Variants in CFAP45 observed in about 807,000 individuals in gnomAD.
CFAP45 encodes the protein cilia and flagella associated protein 45.
In CFAP45, 43 loss-of-function variants were observed where a neutral mutation model predicts 75.6. The observed-to-expected ratio is 0.57, with a 90% CI of 0.45 to 0.73. The LOEUF is 0.73. Among genes scored for constraint, CFAP45 ranks in the 30% least tolerant of loss-of-function variants. The pLI is 0.00. For missense variants in CFAP45, 689 were observed against 701.5 expected (o/e 0.98, Z 0.20); for synonymous variants, 223 against 244.6 (o/e 0.91, Z 0.82).
intron 3 of CFAP45, 95 bp from the exon 4 acceptor site, chr1:159,888,591 G>T: frequency 8.5e-7 from 1 of 1,177,092 alleles, no homozygotes; most frequent in Non-Finnish European, 1.2e-6. Flanking sequence ...TTCCCATCAT[G>T]CCAGTGGACT....
In CFAP45 at chr1:159,872,419, A is replaced by T; in HGVS notation, c.*66T>A. On this transcript the variant is annotated 3_prime_UTR_variant, in exon 12 of 12. Coordinates refer to ENST00000368099, the MANE Select transcript of CFAP45 (RefSeq NM_012337.3). ...TGAAATGTCTAGGTTAGCAGCAATT[A>T]TGGATGCCCAGAGACTGGGCAGAAT... 8.4e-7 allele frequency: 1 copy of T among 1,197,264 alleles called. No homozygotes were observed. The highest frequency in any genetic ancestry group is 1.2e-6 in the Non-Finnish European group (1 of 800,282). 74.2% of individuals were successfully genotyped at this position (1,197,264 alleles called of 1,614,324 possible).
intron 1 of CFAP45, among the ~76,000 whole-genome samples, chr1:159,894,208 T>C (rs1649896011): frequency 6.6e-6 from 1 of 152,154 alleles, no homozygotes; most frequent in African/African-American, 2.4e-5. Context: ...CCACATAGTA[T>C]GGAAGTAAGG....
chr1:159,891,950 C>T (rs1243606157), intron 2 of CFAP45, among the ~76,000 whole-genome samples: 1 of 152,212 alleles, frequency 6.6e-6, no homozygotes, highest in Non-Finnish European at 1.5e-5. Context: ...GAAAACTCCA[C>T]ATGTACCCAA....
chr1:159,900,090 C>T lies in CFAP45; in HGVS notation c.3+6G>A. 6.2e-7 allele frequency: 1 copy of T among 1,614,162 alleles called. No homozygotes were observed. Among genetic ancestry groups the T allele is most frequent in the Non-Finnish European group, 8.5e-7 (1 of 1,180,010 alleles). On this transcript the variant is annotated splice_donor_region_variant and intron_variant, in intron 1 of 11. Transcript: ENST00000368099. ...CACAAGGGGCCCATCTGAGGTTCTC[C>T]CTCACCATCTCCTCAGCCACACGCC...
At chr1:159,873,234 G>C (rs888539150) in intron 10 of CFAP45, 66 bp from the exon 11 acceptor site, 39 of 1,423,368 alleles carry the variant, frequency 2.7e-5, no homozygotes, top group Non-Finnish European at 3.5e-5. Context: ...AAGGTGGTGG[G>C]GGAGCCTCCT....
intron 1 of CFAP45, chr1:159,898,378 T>G (rs918640371): frequency 3.4e-5 from 8 of 234,672 alleles, no homozygotes; most frequent in Non-Finnish European, 4.9e-5. Context: ...GTCTGCCTAA[T>G]TGTGACCCTC....
chr1:159,872,678 G>A, intron 11 of CFAP45, 115 bp from the exon 12 acceptor site: 2 of 935,334 alleles, frequency 2.1e-6, no homozygotes, highest in South Asian at 2.8e-5. Flanking sequence ...CCCCAACCCT[G>A]CTCTCACAAT....
chr1:159,897,740 A>G (rs147951790), intron 1 of CFAP45, among the ~76,000 whole-genome samples: 1,629 of 152,310 alleles, frequency 0.011, 19 homozygotes, highest in Non-Finnish European at 0.016. Flanking sequence ...AATTTCCTGC[A>G]ATGAGTAGAT....
intron 1 of CFAP45, among the ~76,000 whole-genome samples, chr1:159,897,622 T>A (rs1447750098): frequency 6.6e-6 from 1 of 152,180 alleles, no homozygotes; most frequent in African/African-American, 2.4e-5. Flanking sequence ...TGTAAAGATG[T>A]TTGTATGGCA....
chr1:159,877,617 C>T (rs1202280791), intron 8 of CFAP45, among the ~76,000 whole-genome samples, 155 bp from the exon 9 acceptor site: 1 of 152,182 alleles, frequency 6.6e-6, no homozygotes, highest in African/African-American at 2.4e-5. Context: ...TGGCTCATGC[C>T]TATAATCCTA....
At chr1:159,890,733 T>A (rs1442042746) in intron 2 of CFAP45, 111 bp from the exon 3 acceptor site, 3 of 860,426 alleles carry the variant, frequency 3.5e-6, no homozygotes, top group East Asian at 5.2e-5. Context: ...CATGGCTGGA[T>A]GTGTACCGAC....
chr1:159,885,905 CA>C (rs555197281), intron 6 of CFAP45, among the ~76,000 whole-genome samples: 2 of 151,066 alleles, frequency 1.3e-5, no homozygotes, highest in Non-Finnish European at 3.0e-5. Flanking sequence ...AAAGAGAAAA[CA>C]AAAAAAAATT....
At chr1:159,874,272 AC>A (rs1467684249) in intron 10 of CFAP45, among the ~76,000 whole-genome samples, 1 of 152,140 alleles carries the variant, frequency 6.6e-6, no homozygotes, top group Non-Finnish European at 1.5e-5. Flanking sequence ...AGTCACCGAT[AC>A]CCCAACAAAA....
chr1:159,873,405 G>T, intron 10 of CFAP45: 1 of 574,148 alleles, frequency 1.7e-6, no homozygotes, highest in Non-Finnish European at 3.1e-6. Context: ...TGTATGTCAT[G>T]GGCATGCTTA....
At chr1:159,893,127 T>C in intron 2 of CFAP45, 53 bp downstream of exon 2, 1 of 1,605,178 alleles carries the variant, frequency 6.2e-7, no homozygotes, top group East Asian at 2.2e-5. Flanking sequence ...AGCTACATTT[T>C]TGGGCCTCTG....
chr1:159,876,745 G>A lies in CFAP45; in HGVS notation c.1163C>T (p.Ala388Val). 1 of 1,614,152 alleles carries A rather than the reference G, an allele frequency of 6.2e-7. No homozygotes were observed. Among genetic ancestry groups the A allele is most frequent in the African/African-American group, 1.3e-5 (1 of 75,042 alleles). ...CTCCTGGTTGCGCTTGGCCCGCAAG[G>A]CATCCTGGGAATGTTGGCAGGGGAC... ...KAQDYQAEQD[A>V]LRAKRNQEVA... Residue 388 changes from alanine to valine, a missense_variant, in exon 10 of 12, where the codon GCC becomes GTC. By Grantham distance (64) the Ala-to-Val change is moderately conservative. Transcript: ENST00000368099.
chr1:159,889,545 C>T (rs758843382), intron 3 of CFAP45, among the ~76,000 whole-genome samples: 1 of 152,208 alleles, frequency 6.6e-6, no homozygotes, highest in Admixed American at 6.5e-5. Flanking sequence ...GAATCTAAGA[C>T]AGCAGTTTAT....
intron 1 of CFAP45, among the ~76,000 whole-genome samples, chr1:159,895,624 C>G (rs1281428769): frequency 6.6e-6 from 1 of 152,192 alleles, no homozygotes; most frequent in Admixed American, 6.5e-5. Context: ...TCAGCCAGCC[C>G]CAATACTGTA....
At chr1:159,899,942 G>T in intron 1 of CFAP45, 154 bp downstream of exon 1, 1 of 701,846 alleles carries the variant, frequency 1.4e-6, no homozygotes, top group South Asian at 1.9e-5. Context: ...ACCCACCTCA[G>T]GATCTCCCTT....
Sources: gnomAD v4.1 joint callset for allele counts (sites outside exome capture counted in the v4.1 genomes callset) on GRCh38, gnomAD v4.1.1 for gene constraint, MANE v1.5 for transcripts, NCBI Gene and HGNC (gene_info 2026-07-23, HGNC 2026-07-21) for gene names.